Variants in CYP2A13 observed in about 807,000 individuals in gnomAD.
CYP2A13 encodes cytochrome P450 2A13.
Under a neutral mutation model 39.4 loss-of-function variants are expected in CYP2A13, and 30 were observed. The observed-to-expected ratio is 0.76, with a 90% CI of 0.57 to 1.03. The LOEUF (loss-of-function observed/expected upper bound fraction) is 1.03, where lower values mean the gene tolerates loss of function less well. Ranked by LOEUF, CYP2A13 falls within the 50% of genes least tolerant of loss-of-function variation. CYP2A13 has a pLI of 0.00. For synonymous variants in CYP2A13, 269 were observed against 254.7 expected, an observed-to-expected ratio of 1.06 and a Z score of -0.54; for missense variants, 731 against 648.4, an observed-to-expected ratio of 1.13 and a Z score of -1.38.
rs1206554540 is a variant in CYP2A13 at position 41,094,399 on chromosome 19, G to A, written c.1128G>A (p.Lys376=). 4 of 1,614,064 alleles carry A rather than the reference G, an allele frequency of 2.5e-6. No homozygotes were observed. Among genetic ancestry groups the A allele is most frequent in the African/African-American group, 1.3e-5 (1 of 75,002 alleles). The change falls in exon 7 of 9, where the codon AAG becomes AAA. Residue 376 remains lysine (K), a synonymous_variant. Transcript: ENST00000330436. ...TGGGTTTGGCCCACAGGGTCAACAAGGACACCAAGTTTCGGGATTTCTTCC... is the reference window on the plus strand; with the variant it reads ...TGGGTTTGGCCCACAGGGTCAACAAAGACACCAAGTTTCGGGATTTCTTCC... ...LPMGLAHRVN[K]DTKFRDFFLP...
chr19:41,090,952 C>T (rs2031176478), intron 4 of CYP2A13, among the ~76,000 whole-genome samples: 1 of 152,212 alleles, frequency 6.6e-6, no homozygotes, highest in African/African-American at 2.4e-5. Context: ...CATACCTGAA[C>T]ACCTGGTGCT....
In CYP2A13 at chr19:41,094,254, A is replaced by G; in HGVS notation, c.983A>G (p.His328Arg). The change falls in exon 7 of 9, where the codon CAT becomes CGT. Residue 328 changes from histidine (H) to arginine (R), a missense_variant. By Grantham distance (29) the His-to-Arg change is conservative (BLOSUM62 0). Coordinates refer to ENST00000330436, the MANE Select transcript of CYP2A13 (RefSeq NM_000766.5). ...TCCCCTCCTCCCCCAGCCAAGGTCC[A>G]TGAGGAGATTGACAGAGTGATCGGC... is the stretch of plus-strand genomic sequence containing the variant. ...MKHPEVEAKV[H>R]EEIDRVIGKN... The G allele has an allele frequency of 6.2e-7, 1 of 1,614,044 alleles. No homozygotes were observed. The highest frequency in any genetic ancestry group is 1.1e-5 in the South Asian group (1 of 91,074).
chr19:41,091,053 C>T (rs1421746243), intron 4 of CYP2A13, among the ~76,000 whole-genome samples: 3 of 152,190 alleles, frequency 2.0e-5, no homozygotes, highest in Non-Finnish European at 4.4e-5. Context: ...CTCTACTTCA[C>T]CCACTTAAAT....
intron 4 of CYP2A13, among the ~76,000 whole-genome samples, chr19:41,091,170 C>G (rs1180218905): frequency 2.0e-5 from 3 of 152,212 alleles, no homozygotes; most frequent in African/African-American, 7.2e-5. Context: ...TTTCCAATCA[C>G]ACACCTTACA....
At chr19:41,089,858 CTCTCTCTCTCTCTCGTGCT>C (rs2031138972) in intron 2 of CYP2A13, among the ~76,000 whole-genome samples, 170 bp from the exon 3 acceptor site, 3 of 107,704 alleles carry the variant, frequency 2.8e-5, no homozygotes, top group Admixed American at 1.1e-4. Flanking sequence ...CTCTCTCTCT[CTCTCTCTCTCTCTCGTGCT>C]CTCGTGTTTC....
At position 41,092,312 on chromosome 19, in the gene CYP2A13, TAAAAAAA is replaced by T. The variant is rs529985444; in HGVS notation, c.831+429_831+435del. 9.3e-5 allele frequency among the ~76,000 whole-genome samples: 5 copies of T among 53,780 alleles called. No homozygotes were observed. The Admixed American group carries it at 1.4e-3, about 15-fold the overall frequency. 35.3% of individuals were successfully genotyped at this position (53,780 alleles called of 152,430 possible). A position where few individuals can be genotyped will look rare whatever the true frequency, so the allele number is the denominator to read the frequency against. Reference sequence around the variant, plus strand: ...GCCTGAGTGACAGAGCAAGACCCTGTAAAAAAAAAAAAAAAAAAAAAAAAAAAAAAAT... The same window carrying T: ...GCCTGAGTGACAGAGCAAGACCCTGTAAAAAAAAAAAAAAAAAAAAAAAAT... On this transcript the variant is annotated intron_variant, in intron 5 of 8. Coordinates refer to ENST00000330436, the MANE Select transcript of CYP2A13 (RefSeq NM_000766.5).
chr19:41,095,964 G>A lies in CYP2A13; in HGVS notation c.*23G>A. On this transcript the variant is annotated 3_prime_UTR_variant, in exon 9 of 9. Transcript: ENST00000330436. ...TGAGCGAGGGCTGTGCTGGTGCAGG[G>A]CTGGTGGGCGGGGCCAGGGAAACGG... is the stretch of plus-strand genomic sequence containing the variant. 1 of 1,613,472 alleles carries A rather than the reference G, an allele frequency of 6.2e-7. No individual in the cohort carries two copies.
intron 7 of CYP2A13, 133 bp downstream of exon 7, chr19:41,094,565 C>T: frequency 2.0e-6 from 2 of 1,006,866 alleles, no homozygotes; most frequent in Non-Finnish European, 3.0e-6. Context: ...AAGACTTCCC[C>T]AACCACCACA....
At chr19:41,089,199 C>G in intron 2 of CYP2A13, 108 bp downstream of exon 2, 1 of 1,541,058 alleles carries the variant, frequency 6.5e-7, no homozygotes, top group South Asian at 1.3e-5. Flanking sequence ...GGCAGAGCCC[C>G]CTGTCTGGTC....
At position 41,095,807 on chromosome 19, in the gene CYP2A13, C is replaced by T. The variant is rs960880734; in HGVS notation, c.1351C>T (p.Leu451Phe). The T allele has an allele frequency of 5.6e-6, 9 of 1,614,030 alleles. No individual in the cohort carries two copies. Among genetic ancestry groups the T allele is most frequent in the Non-Finnish European group, 7.6e-6 (9 of 1,180,008 alleles). Residue 451 changes from leucine to phenylalanine, a missense_variant, in exon 9 of 9, where the codon CTC becomes TTC. Coordinates refer to ENST00000330436, the MANE Select transcript of CYP2A13 (RefSeq NM_000766.5). ...GEGLARMELF[L>F]FFTTIMQNFR... ...AGGCCTGGCCAGAATGGAGCTCTTT[C>T]TCTTCTTCACCACCATCATGCAGAA... is the stretch of plus-strand genomic sequence containing the variant.
At chr19:41,089,601 C>T (rs2031122372) in intron 2 of CYP2A13, among the ~76,000 whole-genome samples, 1 of 152,024 alleles carries the variant, frequency 6.6e-6, no homozygotes. Flanking sequence ...TCTCTCTTCT[C>T]CAGTTCAGCT....
chr19:41,089,422 G>A (rs1323941557), intron 2 of CYP2A13, among the ~76,000 whole-genome samples: 2 of 151,504 alleles, frequency 1.3e-5, no homozygotes, highest in African/African-American at 4.9e-5. Context: ...TCTTTTTGTC[G>A]CTCTCGGCTT....
At position 41,090,122 on chromosome 19, in the gene CYP2A13, TG is replaced by T; in HGVS notation, c.422del (p.Gly141AlafsTer34). 1 of 1,607,450 alleles carries T rather than the reference TG, an allele frequency of 6.2e-7. No homozygotes were observed. Among genetic ancestry groups the T allele is most frequent in the Non-Finnish European group, 8.5e-7 (1 of 1,176,890 alleles). ...FSIATLRGFG[V>X]GKRGIEERIQ... ...ATCGCCACCCTAAGGGGTTTTGGCG[TG>T]GGCAAGCGCGGCATCGAGGAACGCA... On this transcript the variant is annotated frameshift_variant, in exon 3 of 9. Transcript: ENST00000330436. LOFTEE classifies it high-confidence loss of function.
intron 1 of CYP2A13, 88 bp from the exon 2 acceptor site, chr19:41,088,841 C>T (rs757219779): frequency 1.9e-5 from 30 of 1,564,682 alleles, no homozygotes; most frequent in East Asian, 4.5e-5. Flanking sequence ...AACCTGGGGG[C>T]GAAGCATCCC....
At position 41,090,042 on chromosome 19, in the gene CYP2A13, C is replaced by T. The variant is rs1381044895; in HGVS notation, c.344-5C>T. 6 of 1,612,070 alleles carry T rather than the reference C, an allele frequency of 3.7e-6. No individual in the cohort carries two copies. Among genetic ancestry groups the T allele is most frequent in the Non-Finnish European group, 5.1e-6 (6 of 1,179,448 alleles). ...CTCTCTCCACCCCCGCGTTCACCTCCCCAGGCGTGGCGTTCAGCAACGGGG... is the reference window on the plus strand; with the variant it reads ...CTCTCTCCACCCCCGCGTTCACCTCTCCAGGCGTGGCGTTCAGCAACGGGG... On this transcript the variant is annotated splice_region_variant and splice_polypyrimidine_tract_variant and intron_variant, in intron 2 of 8. Transcript: ENST00000330436.
chr19:41,095,176 G>T (rs764280051), intron 8 of CYP2A13, 76 bp downstream of exon 8: 1 of 1,612,348 alleles, frequency 6.2e-7, no homozygotes, highest in Non-Finnish European at 8.5e-7. Context: ...CCCTCTCTGC[G>T]GTGTAGCCTG....
At chr19:41,094,580 T>C (rs1318737859) in intron 7 of CYP2A13, 148 bp downstream of exon 7, 6 of 890,844 alleles carry the variant, frequency 6.7e-6, no homozygotes, top group African/African-American at 1.7e-5. Context: ...ACCACATCTG[T>C]TCCACCTTTC....
intron 3 of CYP2A13, 85 bp downstream of exon 3, chr19:41,090,281 T>C: frequency 6.4e-7 from 1 of 1,564,070 alleles, no homozygotes; most frequent in Non-Finnish European, 8.7e-7. Context: ...GGGCCCGCAC[T>C]TCCAGCCCTG....
chr19:41,093,220 G>A (rs2031228327), intron 5 of CYP2A13, among the ~76,000 whole-genome samples: 1 of 151,022 alleles, frequency 6.6e-6, no homozygotes, highest in South Asian at 2.1e-4. Context: ...AAAAAAAAAA[G>A]AATTAATTTT....
Sources: gnomAD v4.1 joint callset for allele counts (sites outside exome capture counted in the v4.1 genomes callset) on GRCh38, gnomAD v4.1.1 for gene constraint, MANE v1.5 for transcripts, NCBI Gene and HGNC (gene_info 2026-07-23, HGNC 2026-07-21) for gene names.